Variants in MYO6 observed in about 807,000 individuals in gnomAD.
MYO6 encodes myosin VI.
Under a neutral mutation model 178.7 loss-of-function variants are expected in MYO6, and 74 were observed. That is an observed-to-expected ratio of 0.41 (90% CI 0.34 to 0.50). The LOEUF (loss-of-function observed/expected upper bound fraction) is 0.50. MYO6 is among the 20% of genes least tolerant of loss of function. MYO6 has a pLI of 0.09. For synonymous variants in MYO6, 477 were observed against 504.6 expected (o/e 0.95, Z 0.73); for missense variants, 1,330 against 1,547.4 (o/e 0.86, Z 2.36).
Position 75,862,657 on chromosome 6 carries a change from C to G in MYO6, c.1608C>G (p.Pro536=). The G allele has an allele frequency of 6.2e-7, 1 of 1,613,962 alleles. No individual in the cohort carries two copies. Among genetic ancestry groups the G allele is most frequent in the Non-Finnish European group, 8.5e-7 (1 of 1,179,930 alleles). ...LDILDEENRL[P]QPSDQHFTSA... The stretch of plus-strand genomic sequence containing the variant: ...TTTTGGATGAAGAAAATCGCCTTCC[C>G]CAGCCAAGTGATCAACACTTTACAT... The change falls in exon 16 of 35, where the codon CCC becomes CCG. Residue 536 remains proline (P), a synonymous_variant. Transcript: ENST00000369977.
intron 4 of MYO6, 43 bp downstream of exon 4, chr6:75,828,656 A>G (rs540540937): frequency 1.7e-6 from 2 of 1,181,464 alleles, no homozygotes; most frequent in South Asian, 1.2e-5. Context: ...GGAGATAATT[A>G]TTTCATGTGG....
chr6:75,840,567 T>C lies in MYO6; in HGVS notation c.554-18T>C. 1 of 1,574,414 alleles carries C rather than the reference T, an allele frequency of 6.4e-7. No homozygotes were observed. The highest frequency in any genetic ancestry group is 8.7e-7 in the Non-Finnish European group (1 of 1,143,914). The stretch of plus-strand genomic sequence containing the variant: ...CCGTCATGCTAATTTTTTGATGGAT[T>C]TTTTTGTTTCTCAATAGCTAACCCA... On this transcript the variant is annotated intron_variant, in intron 7 of 34. Coordinates refer to ENST00000369977, the MANE Select transcript of MYO6 (RefSeq NM_004999.4).
intron 1 of MYO6, among the ~76,000 whole-genome samples, chr6:75,804,891 C>T (rs939082279): frequency 1.0e-4 from 15 of 147,150 alleles, no homozygotes; most frequent in African/African-American, 3.5e-4. Context: ...CACACACACA[C>T]ATATATATAC....
chr6:75,848,601 A>C, intron 11 of MYO6, 70 bp downstream of exon 11: 1 of 1,519,944 alleles, frequency 6.6e-7, no homozygotes, highest in Non-Finnish European at 9.0e-7. Flanking sequence ...TCATATGAAA[A>C]TTGTCTCTTT....
chr6:75,813,307 C>T (rs1770875406), intron 1 of MYO6, among the ~76,000 whole-genome samples: 1 of 152,180 alleles, frequency 6.6e-6, no homozygotes, highest in Admixed American at 6.5e-5. Flanking sequence ...TGCATGGCCA[C>T]CACCATCCCA....
At chr6:75,892,030 A>G (rs1386186547) in intron 27 of MYO6, among the ~76,000 whole-genome samples, 2 of 152,222 alleles carry the variant, frequency 1.3e-5, no homozygotes, top group African/African-American at 4.8e-5. Flanking sequence ...AAGTTTTAAA[A>G]TATCATATAA....
intron 16 of MYO6, among the ~76,000 whole-genome samples, chr6:75,864,519 A>G (rs1776481199): frequency 6.6e-6 from 1 of 152,200 alleles, no homozygotes; most frequent in African/African-American, 2.4e-5. Context: ...ATCCAATCCT[A>G]TTCCTTAATA....
At chr6:75,780,846 C>T (rs185011637) in intron 1 of MYO6, among the ~76,000 whole-genome samples, 1 of 150,774 alleles carries the variant, frequency 6.6e-6, no homozygotes, top group Non-Finnish European at 1.5e-5. Context: ...CTTGCTCTGT[C>T]ACCCAGGCTA....
intron 4 of MYO6, among the ~76,000 whole-genome samples, chr6:75,829,535 G>C (rs1772852239): frequency 1.3e-5 from 2 of 152,012 alleles, no homozygotes; most frequent in Non-Finnish European, 2.9e-5. Flanking sequence ...TCTGCCATCT[G>C]TCCAAGTAGT....
At chr6:75,787,689 T>TATATGGGGGAATGGAA (rs1767727847) in intron 1 of MYO6, among the ~76,000 whole-genome samples, 1 of 23,102 alleles carries the variant, frequency 4.3e-5, no homozygotes, top group East Asian at 1.3e-3. Context: ...TCTCTCTCTC[T>TATATGGGGGAATGGAA]CTCTCTCTCT....
chr6:75,845,388 G>A (rs563921270), intron 10 of MYO6, among the ~76,000 whole-genome samples: 32 of 152,106 alleles, frequency 2.1e-4, no homozygotes, highest in Non-Finnish European at 3.4e-4. Flanking sequence ...TAGATTAAGC[G>A]TTCTTGGGAA....
chr6:75,886,034 C>T lies in MYO6; in HGVS notation c.2447C>T (p.Ala816Val), dbSNP rs1039093428. The change falls in exon 24 of 35, where the codon GCC becomes GTC. Residue 816 changes from alanine (A) to valine (V), a missense_variant. By Grantham distance (64) the Ala-to-Val change is moderately conservative. Around this residue, in one of 3 missense-constraint regions of MYO6, gnomAD observed 601 missense variants for 626.1 expected, o/e 0.96. Transcript: ENST00000369977. ...LKNKIKYRAE[A>V]CIKMQKTIRM... Reference sequence around the variant, plus strand: ...AACAAAATAAAATATCGAGCTGAAGCCTGCATTAAAATGCAAAAAACTATT... The same window carrying T: ...AACAAAATAAAATATCGAGCTGAAGTCTGCATTAAAATGCAAAAAACTATT... 3.1e-6 allele frequency: 5 copies of T among 1,610,086 alleles called. No homozygotes were observed. The highest frequency in any genetic ancestry group is 2.7e-5 in the African/African-American group (2 of 74,768).
chr6:75,756,969 ATATATAGTGTGTATATATG>A, intron 1 of MYO6, among the ~76,000 whole-genome samples: 1 of 26,222 alleles, frequency 3.8e-5, no homozygotes, highest in East Asian at 7.0e-4. Context: ...GTATACACAC[ATATATAGTGTGTATATATG>A]TATACACACA....
intron 20 of MYO6, among the ~76,000 whole-genome samples, chr6:75,875,264 G>A (rs922056785): frequency 5.9e-5 from 9 of 152,088 alleles, no homozygotes; most frequent in Non-Finnish European, 1.3e-4. Flanking sequence ...TTTAAATTTT[G>A]TTTAATTAAA....
At chr6:75,802,760 T>C (rs534150699) in intron 1 of MYO6, among the ~76,000 whole-genome samples, 1 of 152,244 alleles carries the variant, frequency 6.6e-6, no homozygotes, top group East Asian at 1.9e-4. Flanking sequence ...GTTCTGGGAT[T>C]ACAGGCATGA....
chr6:75,842,824 C>T (rs1005044178), intron 9 of MYO6, among the ~76,000 whole-genome samples: 1 of 152,050 alleles, frequency 6.6e-6, no homozygotes, highest in African/African-American at 2.4e-5. Context: ...GCATTTCTTC[C>T]TGCTTGGAGG....
chr6:75,866,271 GTC>G (rs1421040670), intron 16 of MYO6, among the ~76,000 whole-genome samples: 8 of 128,972 alleles, frequency 6.2e-5, no homozygotes, highest in African/African-American at 2.4e-4. Flanking sequence ...CTCTGTCTCT[GTC>G]TCTGTGTGTG....
intron 1 of MYO6, among the ~76,000 whole-genome samples, chr6:75,798,675 A>G (rs1489859073): frequency 6.6e-6 from 1 of 152,246 alleles, no homozygotes; most frequent in Non-Finnish European, 1.5e-5. Flanking sequence ...CTGAACAGGC[A>G]AAAGCTGAAA....
chr6:75,908,481 C>G lies in MYO6; in HGVS notation c.3281-15C>G, dbSNP rs781185711. 4.4e-6 allele frequency: 7 copies of G among 1,589,878 alleles called. No individual in the cohort carries two copies. The highest frequency in any genetic ancestry group is 1.4e-5 in the African/African-American group (1 of 72,424). ...AACATGTCAATTTTTTTTTTTTGCT[C>G]AATGTAATCAATAGATATTGAGCTC... On this transcript the variant is annotated splice_polypyrimidine_tract_variant and intron_variant, in intron 31 of 34. Transcript: ENST00000369977.
Sources: allele counts gnomAD v4.1 joint callset (sites outside exome capture counted in the v4.1 genomes callset), GRCh38; gene constraint gnomAD v4.1.1; regional missense constraint gnomAD v4.1.1; transcripts MANE v1.5; gene names NCBI Gene and HGNC (gene_info 2026-07-23, HGNC 2026-07-21).